Variants in PDGFB observed in about 807,000 individuals in gnomAD.
PDGFB encodes platelet derived growth factor subunit B, also known as platelet-derived growth factor subunit B.
In PDGFB, 6 loss-of-function variants were observed where a neutral mutation model predicts 29.0. That is an observed-to-expected ratio of 0.21 (90% confidence interval 0.11 to 0.41). PDGFB has a LOEUF of 0.41. PDGFB is among the 10% of genes least tolerant of loss of function. PDGFB has a pLI of 1.00. For synonymous variants in PDGFB, 144 were observed against 140.8 expected (o/e 1.02, Z -0.16); for missense variants, 299 against 341.8 (o/e 0.87, Z 0.99).
chr22:39,228,893 A>AAAAAAAAAAAAAAATAT (rs1184799325), intron 5 of PDGFB, among the ~76,000 whole-genome samples: 3 of 132,622 alleles, frequency 2.3e-5, no homozygotes, highest in Middle Eastern at 4.3e-3. Context: ...CCTCAAAAAA[A>AAAAAAAAAAAAAAATAT]ATATATATAT....
intron 3 of PDGFB, 103 bp downstream of exon 3, chr22:39,233,332 G>T (rs1932356449): frequency 1.6e-5 from 12 of 763,822 alleles, no homozygotes; most frequent in South Asian, 3.4e-5. Flanking sequence ...AACGGGAGTT[G>T]TAAGAGGACC....
In PDGFB at chr22:39,242,790, C is replaced by CGGCGAGGTGCG. The variant is rs541341148; in HGVS notation, c.63+1100_63+1110dup. ...GCAGGGGCCGACCCTCCCCGGGAGCCGGCGAGGTGCGGGCGAGGTGCGGAC... is the reference window on the plus strand; with the variant it reads ...GCAGGGGCCGACCCTCCCCGGGAGCCGGCGAGGTGCGGGCGAGGTGCGGGCGAGGTGCGGAC... On this transcript the variant is annotated intron_variant, in intron 1 of 6. Coordinates refer to ENST00000331163, the MANE Select transcript of PDGFB (RefSeq NM_002608.4). The surrounding 1 kb of genome is among the most constrained non-coding windows in gnomAD (Gnocchi z 5.7). The CGGCGAGGTGCG allele has an allele frequency of 3.9e-5, 9 of 230,908 alleles. No homozygotes were observed. In the East Asian group the frequency reaches 4.3e-4, roughly 11 times the overall value. The allele number at this position is 230,908 out of a possible 1,614,324, so 14.3% of individuals were successfully genotyped here.
At chr22:39,234,750 T>A (rs1932399313) in intron 2 of PDGFB, among the ~76,000 whole-genome samples, 1 of 152,246 alleles carries the variant, frequency 6.6e-6, no homozygotes, top group Non-Finnish European at 1.5e-5. Flanking sequence ...AATAGCCACA[T>A]GGTTGCCTTG....
At position 39,231,779 on chromosome 22, in the gene PDGFB, C is replaced by T; in HGVS notation, c.299G>A (p.Arg100His). ...EPAMIAECKTRTEVFEISRRL... is the reference protein window; with the variant it reads ...EPAMIAECKTHTEVFEISRRL... ...CCGGGAGATCTCGAACACCTCGGTGCGCGTCTTGCACTCGGCGATCATGGC... is the reference window on the plus strand; with the variant it reads ...CCGGGAGATCTCGAACACCTCGGTGTGCGTCTTGCACTCGGCGATCATGGC... The change falls in exon 4 of 7, where the codon CGC becomes CAC. Residue 100 changes from arginine (R) to histidine (H), a missense_variant. By Grantham distance (29) the Arg-to-His change is conservative (BLOSUM62 0). Coordinates refer to ENST00000331163, the MANE Select transcript of PDGFB (RefSeq NM_002608.4). This position sits in a 1 kb window ranked among gnomAD's most constrained non-coding sequence, Gnocchi z 4.3. The T allele has an allele frequency of 6.2e-7, 1 of 1,613,674 alleles. No homozygotes were observed. The highest frequency in any genetic ancestry group is 8.5e-7 in the Non-Finnish European group (1 of 1,179,908).
chr22:39,226,599 A>G (rs1037522991), intron 5 of PDGFB, among the ~76,000 whole-genome samples: 1 of 152,226 alleles, frequency 6.6e-6, no homozygotes, highest in Non-Finnish European at 1.5e-5. Context: ...GAAAGATAAT[A>G]AAAAGCTCCA....
chr22:39,230,001 C>T, intron 5 of PDGFB, 83 bp downstream of exon 5: 1 of 1,487,282 alleles, frequency 6.7e-7, no homozygotes, highest in Non-Finnish European at 9.2e-7. Flanking sequence ...GGGCCTGATC[C>T]CATTTCCATT....
At chr22:39,230,005 T>C in intron 5 of PDGFB, 79 bp downstream of exon 5, 1 of 1,513,678 alleles carries the variant, frequency 6.6e-7, no homozygotes, top group Non-Finnish European at 9.0e-7. Context: ...CTGATCCCAT[T>C]TCCATTTTTA....
At position 39,243,403 on chromosome 22, in the gene PDGFB, C is replaced by G. The variant is rs906479173; in HGVS notation, c.63+498G>C. Among the ~76,000 whole-genome samples the G allele has an allele frequency of 6.6e-6, 1 of 152,070 alleles. No individual in the cohort carries two copies. The highest frequency in any genetic ancestry group is 1.5e-5 in the Non-Finnish European group (1 of 67,988). On this transcript the variant is annotated intron_variant, in intron 1 of 6. Transcript: ENST00000331163. This position sits in a 1 kb window ranked among gnomAD's most constrained non-coding sequence, Gnocchi z 6.4. ...GTGCCGGAGGGCGTCCACCCGGACCCCGACCGGGAGCCAGGGTGGGACCCG... is the reference window on the plus strand; with the variant it reads ...GTGCCGGAGGGCGTCCACCCGGACCGCGACCGGGAGCCAGGGTGGGACCCG...
chr22:39,229,991 G>A (rs1255728052), intron 5 of PDGFB, 93 bp downstream of exon 5: 10 of 1,394,526 alleles, frequency 7.2e-6, no homozygotes, highest in Middle Eastern at 2.4e-4. Context: ...AACCGGGGGC[G>A]GGCCTGATCC....
chr22:39,229,942 G>C, intron 5 of PDGFB, 142 bp downstream of exon 5: 1 of 1,012,320 alleles, frequency 9.9e-7, no homozygotes, highest in Non-Finnish European at 1.4e-6. Context: ...AACCTGGCTT[G>C]TGTCTCAGCA....
intron 5 of PDGFB, 31 bp downstream of exon 5, chr22:39,230,053 G>A: frequency 1.9e-6 from 3 of 1,609,828 alleles, no homozygotes; most frequent in Non-Finnish European, 2.5e-6. Flanking sequence ...AGGGGAAGGG[G>A]GCTGAGGGCT....
At position 39,231,566 on chromosome 22, in the gene PDGFB, GGGTGGTCTCCA is replaced by G; in HGVS notation, c.456+45_456+55del. 1.0e-5 allele frequency: 13 copies of G among 1,287,788 alleles called. No homozygotes were observed. Among genetic ancestry groups the G allele is most frequent in the Non-Finnish European group, 1.4e-5 (13 of 936,914 alleles). The allele number at this position is 1,287,788 out of a possible 1,614,324, so 79.8% of individuals were successfully genotyped here. On this transcript the variant is annotated intron_variant, in intron 4 of 6. Coordinates refer to ENST00000331163, the MANE Select transcript of PDGFB (RefSeq NM_002608.4). The surrounding 1 kb of genome is among the most constrained non-coding windows in gnomAD (Gnocchi z 4.3). ...GCCTGGTCAGGTATGAGCCCCAGAA[GGGTGGTCTCCA>G]CCCACCACCGGGACCAGCCTCGGGG...
Position 39,243,998 on chromosome 22 carries a change from C to T in PDGFB, c.-35G>A. ...GGGCCCGGCCCCGCGGGGCCCCGGA[C>T]GCGTAGATCGAGCGCGCCGCCCCCG... On this transcript the variant is annotated 5_prime_UTR_variant, in exon 1 of 7. Coordinates refer to ENST00000331163, the MANE Select transcript of PDGFB (RefSeq NM_002608.4). This position sits in a 1 kb window ranked among gnomAD's most constrained non-coding sequence, Gnocchi z 6.4. 1 of 1,363,878 alleles carries T rather than the reference C, an allele frequency of 7.3e-7. No individual in the cohort carries two copies. Among genetic ancestry groups the T allele is most frequent in the Non-Finnish European group, 9.8e-7 (1 of 1,022,912 alleles). The allele number at this position is 1,363,878 out of a possible 1,614,324, so 84.5% of individuals were successfully genotyped here.
chr22:39,232,901 G>A (rs963212096), intron 3 of PDGFB, among the ~76,000 whole-genome samples: 3 of 152,220 alleles, frequency 2.0e-5, no homozygotes, highest in Admixed American at 6.5e-5. Flanking sequence ...CACCTGGGAG[G>A]GTTTCTCTGG....
rs1348237389 is a variant in PDGFB at position 39,229,730 on chromosome 22, GAGA to G, written c.601+351_601+353del. On this transcript the variant is annotated intron_variant, in intron 5 of 6. Transcript: ENST00000331163. ...ACTTCTGAGCTGAGACTCTAATGAA[GAGA>G]AGGAGCTAGGCTTGTGGAGAGCTGG... Among the ~76,000 whole-genome samples, 3 of 152,336 alleles carry G rather than the reference GAGA, an allele frequency of 2.0e-5. No individual in the cohort carries two copies. The South Asian group carries it at 6.2e-4, about 32-fold the overall frequency.
chr22:39,233,388 G>A (rs761350079), intron 3 of PDGFB, 47 bp downstream of exon 3: 2 of 1,422,766 alleles, frequency 1.4e-6, no homozygotes, highest in Admixed American at 2.0e-5. Context: ...TCTTTCCCTG[G>A]CCCCCATGCT....
chr22:39,232,274 C>G (rs1337341824), intron 3 of PDGFB, among the ~76,000 whole-genome samples: 1 of 152,228 alleles, frequency 6.6e-6, no homozygotes, highest in African/African-American at 2.4e-5. Flanking sequence ...ATTCCTGCAT[C>G]ACTGCTGCTT....
intron 2 of PDGFB, 65 bp from the exon 3 acceptor site, chr22:39,233,589 G>C: frequency 8.5e-7 from 1 of 1,181,000 alleles, no homozygotes; most frequent in Non-Finnish European, 1.2e-6. Flanking sequence ...CCTCCGCCGG[G>C]GTGTCTGGGC....
chr22:39,230,311 C>G, intron 4 of PDGFB, 83 bp from the exon 5 acceptor site: 1 of 1,372,162 alleles, frequency 7.3e-7, no homozygotes, highest in Non-Finnish European at 1.0e-6. Context: ...CGCTTCCCAC[C>G]CCGGTGTCCC....
Sources: gnomAD v4.1 joint callset for allele counts (sites outside exome capture counted in the v4.1 genomes callset) on GRCh38, gnomAD v4.1.1 for gene constraint, Gnocchi (gnomAD v3.1) non-coding constraint, MANE v1.5 for transcripts, NCBI Gene and HGNC (gene_info 2026-07-23, HGNC 2026-07-21) for gene names.